MGAT5: variants seen among roughly 807,000 people sequenced by gnomAD.
MGAT5 encodes alpha-1,6-mannosylglycoprotein 6-beta-N-acetylglucosaminyltransferase A.
Under a neutral mutation model 94.3 loss-of-function variants are expected in MGAT5, and 30 were observed. That is an observed-to-expected ratio of 0.32 (90% confidence interval 0.24 to 0.43). The LOEUF (loss-of-function observed/expected upper bound fraction) is 0.43. Among genes scored for constraint, MGAT5 ranks in the 20% least tolerant of loss-of-function variants. The pLI, the probability that MGAT5 is intolerant of heterozygous loss-of-function variation, is 1.00. For synonymous variants in MGAT5, 310 were observed against 322.9 expected, an observed-to-expected ratio of 0.96 and a Z score of 0.43; for missense variants, 691 against 905.5, an observed-to-expected ratio of 0.76 and a Z score of 3.04.
chr2:134,259,504 G>C (rs746286597), intron 1 of MGAT5, among the ~76,000 whole-genome samples: 1 of 152,170 alleles, frequency 6.6e-6, no homozygotes, highest in African/African-American at 2.4e-5. Flanking sequence ...CCATCCACAC[G>C]TTGTTAACCC....
At chr2:134,141,365 G>T (rs1257191398) in intron 1 of MGAT5, among the ~76,000 whole-genome samples, 1 of 152,198 alleles carries the variant, frequency 6.6e-6, no homozygotes, top group Non-Finnish European at 1.5e-5. Context: ...CCATTGATGG[G>T]CAGCAACCTT....
chr2:134,352,049 A>G lies in MGAT5; in HGVS notation c.1246+2111A>G, dbSNP rs546807121. On this transcript the variant is annotated intron_variant, in intron 9 of 15. Coordinates refer to ENST00000281923, the MANE Select transcript of MGAT5 (RefSeq NM_002410.5). ...CAGAAATGCAAAAGTTAAACAGCAT[A>G]GCTATTCTGATGGTGCAGTGAGCAA... Among the ~76,000 whole-genome samples the G allele has an allele frequency of 1.4e-4, 21 of 152,348 alleles. No homozygotes were observed. In the East Asian group the frequency reaches 3.7e-3, roughly 27 times the overall value.
rs112438740 is a variant in MGAT5 at position 134,437,081 on chromosome 2, C to T, written c.1870-4677C>T. Among the ~76,000 whole-genome samples, 32 of 152,302 alleles carry T rather than the reference C, an allele frequency of 2.1e-4. 1 individual carries two copies. Among genetic ancestry groups the T allele is most frequent in the Admixed American group, 7.2e-4 (11 of 15,298 alleles). On this transcript the variant is annotated intron_variant, in intron 14 of 15. Coordinates refer to ENST00000281923, the MANE Select transcript of MGAT5 (RefSeq NM_002410.5). ...TCGGCTCACGGCAACCTCTGCCTCC[C>T]GGGTTCAAGCAATTCTCCTGTCTTA...
intron 12 of MGAT5, among the ~76,000 whole-genome samples, chr2:134,419,390 G>A (rs138518385): frequency 8.7e-4 from 129 of 148,910 alleles, no homozygotes; most frequent in African/African-American, 2.5e-3. Context: ...GTAGGTTCTC[G>A]ATCATTTTTC....
chr2:134,395,071 T>C (rs1270772278), intron 10 of MGAT5, among the ~76,000 whole-genome samples: 1 of 152,220 alleles, frequency 6.6e-6, no homozygotes, highest in East Asian at 1.9e-4. Context: ...GTGGTGTGTT[T>C]TCAACCTACC....
chr2:134,194,349 G>A (rs927231581), intron 1 of MGAT5, among the ~76,000 whole-genome samples: 1 of 152,058 alleles, frequency 6.6e-6, no homozygotes, highest in Non-Finnish European at 1.5e-5. Flanking sequence ...ATATTAGTTT[G>A]TGGGGGTGGG....
At chr2:134,204,389 A>G (rs556392177) in intron 1 of MGAT5, among the ~76,000 whole-genome samples, 2 of 152,328 alleles carry the variant, frequency 1.3e-5, no homozygotes, top group African/African-American at 2.4e-5. Context: ...AAATTAGCCA[A>G]GTCTCTCAAG....
intron 1 of MGAT5, among the ~76,000 whole-genome samples, chr2:134,267,380 G>A (rs954280684): frequency 6.6e-6 from 1 of 152,200 alleles, no homozygotes; most frequent in East Asian, 1.9e-4. Flanking sequence ...GTCTTGGTAG[G>A]ATTAAATGAA....
At chr2:134,445,380 G>T (rs1685713008) in intron 15 of MGAT5, among the ~76,000 whole-genome samples, 1 of 152,056 alleles carries the variant, frequency 6.6e-6, no homozygotes, top group Non-Finnish European at 1.5e-5. Context: ...ACCTGGCAAG[G>T]CAGAGCTGGA....
At position 134,158,437 on chromosome 2, in the gene MGAT5, C is replaced by T. The variant is rs146910417; in HGVS notation, c.-143+38146C>T. 1.8e-4 allele frequency among the ~76,000 whole-genome samples: 28 copies of T among 152,338 alleles called. No homozygotes were observed. The East Asian group carries it at 5.2e-3, about 28-fold the overall frequency. On this transcript the variant is annotated intron_variant, in intron 1 of 16. Transcript: ENST00000409645. ...TGCCCCAAGTGTGCTTATACGTGGC[C>T]AGGTTGCGACAGTGCCTAGGACTTG... is the stretch of plus-strand genomic sequence containing the variant.
chr2:134,255,685 C>T (rs1434007022), intron 1 of MGAT5, among the ~76,000 whole-genome samples: 2 of 148,168 alleles, frequency 1.3e-5, no homozygotes, highest in African/African-American at 5.0e-5. Context: ...TCAGTGGTCT[C>T]ACTGAAGTGG....
intron 1 of MGAT5, among the ~76,000 whole-genome samples, chr2:134,233,647 G>A (rs1335491042): frequency 6.6e-6 from 1 of 152,158 alleles, no homozygotes; most frequent in African/African-American, 2.4e-5. Context: ...TACTCACAGA[G>A]GCCTCTGGGG....
chr2:134,452,563 T>C lies in MGAT5; in HGVS notation c.*3716T>C, dbSNP rs1355280795. ...ATGTGTTGGACTGAAACTGTATGTC[T>C]GTAGGTAGGTGTGTGCCTTTTAGGG... On this transcript the variant is annotated 3_prime_UTR_variant, in exon 16 of 16. Transcript: ENST00000281923. The C allele has an allele frequency of 6.6e-6, 1 of 152,138 alleles. No individual in the cohort carries two copies. The highest frequency in any genetic ancestry group is 2.4e-5 in the African/African-American group (1 of 41,434). 9.4% of individuals were successfully genotyped at this position (152,138 alleles called of 1,614,324 possible).
At chr2:134,293,308 T>C (rs537847337) in intron 2 of MGAT5, among the ~76,000 whole-genome samples, 39 of 152,314 alleles carry the variant, frequency 2.6e-4, no homozygotes, top group African/African-American at 8.2e-4. Flanking sequence ...TTACTTGTGC[T>C]GTGATTTTAG....
At chr2:134,125,005 C>T (rs991836647) in intron 1 of MGAT5, among the ~76,000 whole-genome samples, 2 of 151,992 alleles carry the variant, frequency 1.3e-5, no homozygotes, top group African/African-American at 4.8e-5. Flanking sequence ...AAAAGTCTTC[C>T]ACTCTATTAG....
chr2:134,121,740 T>C (rs1326656877), intron 1 of MGAT5, among the ~76,000 whole-genome samples: 1 of 152,200 alleles, frequency 6.6e-6, no homozygotes, highest in Non-Finnish European at 1.5e-5. Context: ...GACCAAAGTG[T>C]TAGAGGTATC....
At chr2:134,193,737 G>A (rs2105245984) in intron 1 of MGAT5, among the ~76,000 whole-genome samples, 1 of 145,380 alleles carries the variant, frequency 6.9e-6, no homozygotes, top group South Asian at 2.2e-4. Flanking sequence ...GTTTTGACAA[G>A]TTTCTAGCCC....
At chr2:134,277,106 A>G (rs987186420) in intron 2 of MGAT5, among the ~76,000 whole-genome samples, 3 of 152,134 alleles carry the variant, frequency 2.0e-5, no homozygotes, top group Admixed American at 1.3e-4. Context: ...AGGGACAATG[A>G]AAGGCAGCAT....
intron 11 of MGAT5, among the ~76,000 whole-genome samples, chr2:134,408,722 T>C (rs1224690464): frequency 2.6e-5 from 4 of 152,176 alleles, no homozygotes; most frequent in Admixed American, 2.6e-4. Context: ...ATCAGGTACC[T>C]GAAAGAAGGC....
Sources: gnomAD v4.1 joint callset for allele counts (sites outside exome capture counted in the v4.1 genomes callset) on GRCh38, gnomAD v4.1.1 for gene constraint, MANE v1.5 for transcripts, NCBI Gene and HGNC (gene_info 2026-07-23, HGNC 2026-07-21) for gene names.